POLI: variants seen among roughly 807,000 people sequenced by gnomAD.
The protein encoded by POLI is DNA polymerase iota.
POLI carries 58 observed loss-of-function variants against 51.6 expected under a neutral mutation model. That is an observed-to-expected ratio of 1.12 (90% CI 0.91 to 1.40). POLI has a LOEUF of 1.40. POLI is among the 40% of genes most tolerant of loss of function. The pLI, the probability that POLI is intolerant of heterozygous loss-of-function variation, is 0.00. For synonymous variants in POLI, 322 were observed against 299.7 expected, an observed-to-expected ratio of 1.07 and a Z score of -0.77; for missense variants, 921 against 871.3, an observed-to-expected ratio of 1.06 and a Z score of -0.72.
intron 3 of POLI, among the ~76,000 whole-genome samples, chr18:54,314,019 C>A (rs191335625): frequency 6.2e-4 from 94 of 152,200 alleles, no homozygotes; most frequent in Admixed American, 3.9e-3. Flanking sequence ...GCATCCTTGC[C>A]TTGTTCTGAT....
At chr18:54,285,125 C>T (rs546179156) in intron 7 of POLI, among the ~76,000 whole-genome samples, 1 of 152,324 alleles carries the variant, frequency 6.6e-6, no homozygotes, top group South Asian at 2.1e-4. Flanking sequence ...ATGTCTTGAG[C>T]AGAGCCATGC....
At chr18:54,290,993 C>T (rs1231297793) in intron 8 of POLI, among the ~76,000 whole-genome samples, 2 of 151,976 alleles carry the variant, frequency 1.3e-5, no homozygotes, top group Non-Finnish European at 2.9e-5. Flanking sequence ...AAAATTAGGC[C>T]ATTTTCAAGT....
intron 1 of POLI, chr18:54,270,216 A>C (rs552872344): frequency 1.1e-4 from 20 of 185,880 alleles, no homozygotes; most frequent in African/African-American, 4.5e-4. Flanking sequence ...TTCATTCATT[A>C]ATTTAGAGAC....
At chr18:54,288,826 C>T (rs1210868561) in intron 8 of POLI, among the ~76,000 whole-genome samples, 2 of 152,038 alleles carry the variant, frequency 1.3e-5, no homozygotes. Flanking sequence ...GTTTCTTTAT[C>T]AAGATTCTCC....
chr18:54,306,176 G>A (rs2088582867), intron 3 of POLI, among the ~76,000 whole-genome samples: 1 of 152,174 alleles, frequency 6.6e-6, no homozygotes, highest in South Asian at 2.1e-4. Flanking sequence ...AATGCTTCCA[G>A]TTTTTGCCCA....
intron 3 of POLI, among the ~76,000 whole-genome samples, chr18:54,311,249 G>A (rs1489653201): frequency 6.6e-6 from 1 of 152,092 alleles, no homozygotes; most frequent in African/African-American, 2.4e-5. Flanking sequence ...CTACCTCTTG[G>A]CACACAAGAG....
At chr18:54,281,221 T>C (rs1398065419) in intron 5 of POLI, among the ~76,000 whole-genome samples, 3 of 152,194 alleles carry the variant, frequency 2.0e-5, no homozygotes, top group Admixed American at 6.5e-5. Flanking sequence ...ACTCTTATAC[T>C]GTACATTGCC....
downstream of POLI, among the ~76,000 whole-genome samples, chr18:54,299,090 G>A (rs547371097): frequency 6.6e-6 from 1 of 152,298 alleles, no homozygotes; most frequent in East Asian, 1.9e-4. Flanking sequence ...CATACTCAGA[G>A]CAACTCACGT....
At chr18:54,269,816 C>T (rs1447582151) in intron 1 of POLI, 155 bp downstream of exon 1, 1 of 1,364,394 alleles carries the variant, frequency 7.3e-7, no homozygotes, top group Non-Finnish European at 9.4e-7. Flanking sequence ...TTGTGTTACG[C>T]GGCGGGTACC....
intron 4 of POLI, among the ~76,000 whole-genome samples, chr18:54,278,185 G>A (rs1007795271): frequency 9.2e-5 from 14 of 152,058 alleles, no homozygotes; most frequent in Admixed American, 6.5e-5. Context: ...TACCCAGCTG[G>A]GCACAGTGGA....
chr18:54,276,151 G>T (rs1340551040), intron 3 of POLI, among the ~76,000 whole-genome samples: 7 of 151,964 alleles, frequency 4.6e-5, no homozygotes, highest in Non-Finnish European at 1.0e-4. Flanking sequence ...GGCTGTGGTG[G>T]GGTATCATTT....
At chr18:54,306,597 T>G (rs1232151904) in intron 3 of POLI, among the ~76,000 whole-genome samples, 1 of 152,184 alleles carries the variant, frequency 6.6e-6, no homozygotes, top group Non-Finnish European at 1.5e-5. Flanking sequence ...CTAAAATGAG[T>G]TAGGGAGGAT....
chr18:54,316,655 G>C (rs1412222203), intron 3 of POLI, among the ~76,000 whole-genome samples: 1 of 152,162 alleles, frequency 6.6e-6, no homozygotes, highest in African/African-American at 2.4e-5. Flanking sequence ...GTGGTATTTA[G>C]GCTTTTGGGC....
At chr18:54,279,241 C>CTTTTTTTT (rs769828054) in intron 4 of POLI, among the ~76,000 whole-genome samples, 2 of 119,114 alleles carry the variant, frequency 1.7e-5, no homozygotes, top group African/African-American at 3.3e-5. Context: ...TATGTCTTTT[C>CTTTTTTTT]TTTTTTTTTT....
intron 6 of POLI, 179 bp from the exon 7 acceptor site, chr18:54,283,743 T>G (rs1192659044): frequency 2.6e-6 from 1 of 380,450 alleles, no homozygotes; most frequent in African/African-American, 2.1e-5. Context: ...AACTTTCTAG[T>G]GAGTACAATA....
rs200319776 is a variant in POLI at position 54,280,874 on chromosome 18, A to G, written c.767A>G (p.His256Arg). 6.4e-5 allele frequency: 103 copies of G among 1,603,698 alleles called. No homozygotes were observed. The highest frequency in any genetic ancestry group is 8.5e-5 in the Non-Finnish European group (99 of 1,170,630). Residue 256 changes from histidine to arginine, a missense_variant, in exon 5 of 10, where the codon CAT (histidine) becomes CGT (arginine). His to Arg is a conservative substitution (Grantham distance 29). Transcript: ENST00000579534. Reference protein sequence around the residue: ...LLPESCQHLIHSLNHIKEIPG... With the variant: ...LLPESCQHLIRSLNHIKEIPG... ...CCTGAAAGTTGTCAACATCTTATTC[A>G]TAGTTTGAATCACATAAAGGAAATA...
intron 9 of POLI, among the ~76,000 whole-genome samples, chr18:54,292,491 AT>A (rs1390674308): frequency 6.6e-6 from 1 of 152,126 alleles, no homozygotes; most frequent in East Asian, 1.9e-4. Flanking sequence ...ATATTGATAG[AT>A]TTGACTACTG....
In POLI at chr18:54,298,036, T is replaced by G. The variant is rs1188571122; in HGVS notation, c.*3569T>G. On this transcript the variant is annotated 3_prime_UTR_variant, in exon 10 of 10. Transcript: ENST00000579534. The stretch of plus-strand genomic sequence containing the variant: ...GCAGTTTTTATTATATGTCTAGCTA[T>G]AGATTTATCATGGATTTAGGTTCAT... The G allele has an allele frequency of 5.2e-6, 5 of 967,126 alleles. No individual in the cohort carries two copies. The highest frequency in any genetic ancestry group is 6.1e-6 in the Non-Finnish European group (5 of 813,348). The allele number at this position is 967,126 out of a possible 1,614,324, so 59.9% of individuals were successfully genotyped here.
chr18:54,283,772 G>A lies in POLI; in HGVS notation c.976-150G>A, dbSNP rs1298335041. On this transcript the variant is annotated intron_variant, in intron 6 of 9. Transcript: ENST00000579534. ...TACAATAGCTTGCAGATAAAAAACT[G>A]TTAATATAAAAGTGAACTAAATGGC... The A allele has an allele frequency of 8.7e-6, 4 of 457,720 alleles. No homozygotes were observed. In the Admixed American group the frequency reaches 1.2e-4, roughly 14 times the overall value. 28.4% of individuals were successfully genotyped at this position (457,720 alleles called of 1,614,324 possible).
Sources: gnomAD v4.1 joint callset for allele counts (sites outside exome capture counted in the v4.1 genomes callset) on GRCh38, gnomAD v4.1.1 for gene constraint, MANE v1.5 for transcripts, NCBI Gene and HGNC (gene_info 2026-07-23, HGNC 2026-07-21) for gene names.